Variants in PTPRD observed in about 807,000 individuals in gnomAD.
The protein encoded by PTPRD is receptor-type tyrosine-protein phosphatase delta.
PTPRD carries 34 observed loss-of-function variants against 214.5 expected under a neutral mutation model. That is an observed-to-expected ratio of 0.16 (90% CI 0.12 to 0.21). The LOEUF is 0.21. Ranked by LOEUF, PTPRD falls within the 10% of genes least tolerant of loss-of-function variation. The probability of loss-of-function intolerance (pLI) is 1.00; values close to 1 mark genes in which losing one functional copy is unlikely to be tolerated. For synonymous variants in PTPRD, 1,128 were observed against 845.7 expected (o/e 1.33, Z -5.79); for missense variants, 2,545 against 2,398.7 (o/e 1.06, Z -1.27).
intron 3 of PTPRD, among the ~76,000 whole-genome samples, chr9:10,061,546 T>C (rs1043572207): frequency 1.3e-5 from 2 of 152,086 alleles, no homozygotes; most frequent in African/African-American, 4.8e-5. Context: ...AGTAATTAAC[T>C]ACATAATTAG....
At chr9:8,433,116 T>C (rs1243675300) in intron 35 of PTPRD, among the ~76,000 whole-genome samples, 2 of 152,166 alleles carry the variant, frequency 1.3e-5, no homozygotes, top group African/African-American at 4.8e-5. Flanking sequence ...GACATTTCAG[T>C]CCACAACAAA....
chr9:9,724,962 G>A (rs911889690), intron 7 of PTPRD, among the ~76,000 whole-genome samples: 1 of 152,090 alleles, frequency 6.6e-6, no homozygotes, highest in Non-Finnish European at 1.5e-5. Context: ...TGGGAGACTC[G>A]CAGAGTTTAT....
chr9:10,438,507 T>C (rs1994939), intron 2 of PTPRD, among the ~76,000 whole-genome samples: 5,368 of 151,762 alleles, frequency 0.035, 186 homozygotes, highest in South Asian at 0.12. Flanking sequence ...TTTATGAGTC[T>C]TTGGACTCCA....
intron 2 of PTPRD, among the ~76,000 whole-genome samples, chr9:10,589,323 C>T (rs1797498419): frequency 6.6e-6 from 1 of 151,928 alleles, no homozygotes; most frequent in South Asian, 2.1e-4. Flanking sequence ...CTGAACTTGA[C>T]CCAATAACAA....
rs546149795 is a variant in PTPRD, at chr9:8,404,922, G to T, written c.4087-262C>A. On this transcript the variant is annotated intron_variant, in intron 35 of 45. Coordinates refer to ENST00000381196, the MANE Select transcript of PTPRD (RefSeq NM_002839.4). ...CAGATGTTCTGTTAATATTGGAAAG[G>T]CAGGTTCTTAATTTTACTTTTCCAT... Among the ~76,000 whole-genome samples the T allele has an allele frequency of 3.3e-5, 5 of 152,302 alleles. No individual in the cohort carries two copies. In the South Asian group the frequency reaches 8.3e-4, roughly 25 times the overall value.
chr9:9,951,179 G>A (rs549355542), intron 4 of PTPRD, among the ~76,000 whole-genome samples: 22 of 152,188 alleles, frequency 1.4e-4, no homozygotes, highest in African/African-American at 5.1e-4. Flanking sequence ...GGAACTATGA[G>A]GTCTAGCTTC....
chr9:8,331,305 C>CAACA lies in PTPRD; in HGVS notation c.5534+273_5534+276dup, dbSNP rs576558460. On this transcript the variant is annotated intron_variant, in intron 44 of 45. Coordinates refer to ENST00000381196, the MANE Select transcript of PTPRD (RefSeq NM_002839.4). ...AACGAATTATTACTAGGGGAGGTAC[C>CAACA]AACAATTCCCATTAAGGTAAAATTG... 1.1e-3 allele frequency among the ~76,000 whole-genome samples: 162 copies of CAACA among 152,148 alleles called. 1 individual carries two copies. Among genetic ancestry groups the CAACA allele is most frequent in the African/African-American group, 3.9e-3 (160 of 41,500 alleles).
At chr9:8,685,976 A>G (rs1021375984) in intron 12 of PTPRD, among the ~76,000 whole-genome samples, 7 of 152,210 alleles carry the variant, frequency 4.6e-5, no homozygotes, top group Non-Finnish European at 7.3e-5. Flanking sequence ...ATTTTGAGAA[A>G]CATCTGTCCA....
chr9:9,464,994 G>C (rs2094013441), intron 8 of PTPRD, among the ~76,000 whole-genome samples: 1 of 152,110 alleles, frequency 6.6e-6, no homozygotes, highest in Non-Finnish European at 1.5e-5. Flanking sequence ...AATAATTGAA[G>C]TTTCTTGTGA....
intron 3 of PTPRD, among the ~76,000 whole-genome samples, chr9:10,035,234 C>G (rs12379893): frequency 6.6e-6 from 1 of 151,690 alleles, no homozygotes; most frequent in African/African-American, 2.4e-5. Context: ...GGTTGTTGGC[C>G]GCATGTAGGT....
At chr9:9,325,552 G>C (rs2136221125) in intron 9 of PTPRD, among the ~76,000 whole-genome samples, 1 of 152,216 alleles carries the variant, frequency 6.6e-6, no homozygotes, top group Non-Finnish European at 1.5e-5. Flanking sequence ...TGTATCCTGA[G>C]ACTTTGCTGA....
At chr9:9,491,227 A>C (rs2095879529) in intron 8 of PTPRD, among the ~76,000 whole-genome samples, 1 of 151,972 alleles carries the variant, frequency 6.6e-6, no homozygotes, top group Non-Finnish European at 1.5e-5. Context: ...GTATATTAAA[A>C]ATTTCAATAC....
At chr9:9,268,778 T>C (rs182324565) in intron 9 of PTPRD, among the ~76,000 whole-genome samples, 1 of 148,580 alleles carries the variant, frequency 6.7e-6, no homozygotes, top group Admixed American at 6.8e-5. Flanking sequence ...TCTTCAATTA[T>C]GGTGCCAGGA....
intron 2 of PTPRD, among the ~76,000 whole-genome samples, chr9:10,538,783 T>C (rs977024577): frequency 1.3e-5 from 2 of 152,200 alleles, no homozygotes; most frequent in Non-Finnish European, 2.9e-5. Context: ...ACAAATTTAT[T>C]TAAAATTATG....
At chr9:9,662,487 G>A (rs1594600477) in intron 7 of PTPRD, among the ~76,000 whole-genome samples, 1 of 151,564 alleles carries the variant, frequency 6.6e-6, no homozygotes, top group Admixed American at 6.6e-5. Context: ...CCATCAGCAA[G>A]GATATGAAAG....
chr9:8,934,449 ATT>A (rs1303912354), intron 11 of PTPRD, among the ~76,000 whole-genome samples: 11,387 of 47,076 alleles, frequency 0.24, 1,974 homozygotes, highest in Middle Eastern at 0.41. Context: ...ATATATATAA[ATT>A]TATATATATA....
intron 44 of PTPRD, among the ~76,000 whole-genome samples, chr9:8,321,048 G>A (rs1392254953): frequency 1.3e-5 from 2 of 152,054 alleles, no homozygotes; most frequent in Non-Finnish European, 2.9e-5. Context: ...AAACAGAAAT[G>A]TTAAGTGAGG....
chr9:8,729,805 C>T (rs533691916), intron 12 of PTPRD, among the ~76,000 whole-genome samples: 29 of 152,276 alleles, frequency 1.9e-4, no homozygotes, highest in Middle Eastern at 3.4e-3. Flanking sequence ...CTCTATGCTG[C>T]CCATCAGGAA....
At chr9:10,570,002 T>A (rs1318182664) in intron 2 of PTPRD, among the ~76,000 whole-genome samples, 1 of 152,136 alleles carries the variant, frequency 6.6e-6, no homozygotes, top group Non-Finnish European at 1.5e-5. Flanking sequence ...CTATTACTTA[T>A]ATATACTAAA....
Sources: gnomAD v4.1 joint callset for allele counts (sites outside exome capture counted in the v4.1 genomes callset) on GRCh38, gnomAD v4.1.1 for gene constraint, MANE v1.5 for transcripts, NCBI Gene and HGNC (gene_info 2026-07-23, HGNC 2026-07-21) for gene names.